ZNF562: variants seen among roughly 807,000 people sequenced by gnomAD.
ZNF562 encodes zinc finger protein 562.
A neutral mutation model predicts 17.5 loss-of-function variants in ZNF562; 13 were observed. The ratio of observed to expected loss-of-function variants is 0.74; its 90% CI spans 0.48 to 1.18. The LOEUF (loss-of-function observed/expected upper bound fraction) is 1.18. Ranked by LOEUF, ZNF562 falls within the 50% of genes most tolerant of loss-of-function variation. The pLI, the probability that ZNF562 is intolerant of heterozygous loss-of-function variation, is 0.00. For synonymous variants in ZNF562, 163 were observed against 165.4 expected (o/e 0.99, Z 0.11); for missense variants, 481 against 498.5 (o/e 0.96, Z 0.33).
chr19:9,673,188 C>T (rs1880922902), intron 1 of ZNF562, among the ~76,000 whole-genome samples: 2 of 152,100 alleles, frequency 1.3e-5, no homozygotes. Flanking sequence ...TCACAGATAG[C>T]CAATAGGGTC....
At chr19:9,670,649 G>A (rs2044157519) in intron 1 of ZNF562, among the ~76,000 whole-genome samples, 1 of 152,146 alleles carries the variant, frequency 6.6e-6, no homozygotes, top group Admixed American at 6.5e-5. Context: ...AGTACAGATT[G>A]ATGGTTACTA....
In ZNF562 at chr19:9,656,248, G is replaced by A. The variant is rs1282867283; in HGVS notation, c.348+299C>T. On this transcript the variant is annotated intron_variant, in intron 5 of 5. Coordinates refer to ENST00000453372, the MANE Select transcript of ZNF562 (RefSeq NM_001130031.2). ...CTCATGGCCTGACACAGTGGCTCAC[G>A]CCTGTAATCCCAGCACTTTGGGAGG... 5.3e-5 allele frequency among the ~76,000 whole-genome samples: 8 copies of A among 152,134 alleles called. No homozygotes were observed. Among genetic ancestry groups the A allele is most frequent in the African/African-American group, 7.2e-5 (3 of 41,436 alleles).
chr19:9,672,842 G>T (rs1397833659), intron 1 of ZNF562, among the ~76,000 whole-genome samples: 2 of 150,030 alleles, frequency 1.3e-5, no homozygotes, highest in African/African-American at 4.9e-5. Flanking sequence ...GGCAGTGGCG[G>T]GATCTCGGCT....
intron 1 of ZNF562, among the ~76,000 whole-genome samples, chr19:9,666,517 G>A (rs1353060483): frequency 6.6e-6 from 1 of 151,718 alleles, no homozygotes; most frequent in Non-Finnish European, 1.5e-5. Flanking sequence ...AAACAAACCA[G>A]ATTCAAAATT....
chr19:9,644,775 C>G lies in ZNF562; in HGVS notation c.*8174G>C, dbSNP rs557987446. The G allele has an allele frequency of 6.6e-5, 10 of 152,204 alleles. No individual in the cohort carries two copies. Among genetic ancestry groups the G allele is most frequent in the East Asian group, 1.9e-4 (1 of 5,184 alleles). The allele number at this position is 152,204 out of a possible 1,614,324, so 9.4% of individuals were successfully genotyped here. On this transcript the variant is annotated 3_prime_UTR_variant, in exon 6 of 6. Coordinates refer to ENST00000453372, the MANE Select transcript of ZNF562 (RefSeq NM_001130031.2). ...CTTGAACAGCATGGGGAAACCCCCC[C>G]CCATGATTCTATTACCTCCCACCTG...
intron 3 of ZNF562, 40 bp from the exon 4 acceptor site, chr19:9,658,175 C>T (rs1030909150): frequency 2.5e-6 from 4 of 1,593,414 alleles, no homozygotes; most frequent in Non-Finnish European, 3.4e-6. Context: ...CCAATGAACA[C>T]TTCCACCAAT....
chr19:9,673,118 T>A (rs1237948360), intron 1 of ZNF562, among the ~76,000 whole-genome samples: 2 of 152,142 alleles, frequency 1.3e-5, no homozygotes, highest in Non-Finnish European at 2.9e-5. Context: ...TCTTTGAAAC[T>A]GCACATCCCA....
intron 1 of ZNF562, among the ~76,000 whole-genome samples, chr19:9,669,734 G>GCGCACGCGCGCGCGCACACACA (rs1221319747): frequency 1.8e-5 from 2 of 109,302 alleles, no homozygotes; most frequent in Admixed American, 1.9e-4. Context: ...GCGCGCGCGC[G>GCGCACGCGCGCGCGCACACACA]CACACACACA....
At chr19:9,656,067 T>C (rs2043470595) in intron 5 of ZNF562, among the ~76,000 whole-genome samples, 1 of 152,116 alleles carries the variant, frequency 6.6e-6, no homozygotes, top group Non-Finnish European at 1.5e-5. Context: ...ATTGCTATAC[T>C]GCCTAGGCTG....
In ZNF562 at chr19:9,643,512, G is replaced by T. The variant is rs928722186; in HGVS notation, c.*9437C>A. ...ATATTCCTGCAGTAAATGCCACTGG[G>T]TTTACTATTTTCTTATCAAGCAGTT... On this transcript the variant is annotated 3_prime_UTR_variant, in exon 6 of 6. Coordinates refer to ENST00000453372, the MANE Select transcript of ZNF562 (RefSeq NM_001130031.2). The T allele has an allele frequency of 4.0e-5, 6 of 151,630 alleles. No individual in the cohort carries two copies. The highest frequency in any genetic ancestry group is 1.2e-4 in the African/African-American group (5 of 41,244). 9.4% of individuals were successfully genotyped at this position (151,630 alleles called of 1,614,324 possible).
At position 9,644,784 on chromosome 19, in the gene ZNF562, C is replaced by G. The variant is rs1465517848; in HGVS notation, c.*8165G>C. On this transcript the variant is annotated 3_prime_UTR_variant, in exon 6 of 6. Transcript: ENST00000453372. Reference sequence around the variant, plus strand: ...CATGGGGAAACCCCCCCCCATGATTCTATTACCTCCCACCTGGTCTCTCCC... The same window carrying G: ...CATGGGGAAACCCCCCCCCATGATTGTATTACCTCCCACCTGGTCTCTCCC... 1 of 152,272 alleles carries G rather than the reference C, an allele frequency of 6.6e-6. No individual in the cohort carries two copies. 9.4% of individuals were successfully genotyped at this position (152,272 alleles called of 1,614,324 possible). A position where few individuals can be genotyped will look rare whatever the true frequency, so the allele number is the denominator to read the frequency against.
chr19:9,653,788 T>G lies in ZNF562; in HGVS notation c.442A>C (p.Asn148His), dbSNP rs547501619. 189 of 1,614,076 alleles carry G rather than the reference T, an allele frequency of 1.2e-4. 1 individual carries two copies. The highest frequency in any genetic ancestry group is 1.2e-3 in the East Asian group (52 of 44,872). Residue 148 changes from asparagine (N) to histidine (H), a missense_variant, in exon 6 of 6, where the codon AAT (asparagine) becomes CAT (histidine). Physicochemically the swap from Asn to His is moderately conservative, Grantham distance 68 (BLOSUM62 1). Coordinates refer to ENST00000453372, the MANE Select transcript of ZNF562 (RefSeq NM_001130031.2). The stretch of plus-strand genomic sequence containing the variant: ...TTACCCTCAAAAGTGTTCCCTCCAT[T>G]CTGAGCTCTCATGTGTGTCTTAAGG... ...FCLKTHMRAQ[N>H]GGNTFEGNCY...
intron 4 of ZNF562, 88 bp downstream of exon 4, chr19:9,657,921 G>C (rs550249020): frequency 5.3e-4 from 779 of 1,475,368 alleles, no homozygotes; most frequent in Non-Finnish European, 6.3e-4. Flanking sequence ...AAACTCCCAG[G>C]CTCCAGCGAT....
intron 1 of ZNF562, among the ~76,000 whole-genome samples, chr19:9,664,765 C>T (rs1049580443): frequency 1.3e-5 from 2 of 152,186 alleles, no homozygotes; most frequent in East Asian, 3.9e-4. Context: ...GTGGCTCATG[C>T]CTGTAATCCC....
intron 1 of ZNF562, among the ~76,000 whole-genome samples, chr19:9,662,113 T>C (rs2043770966): frequency 6.6e-6 from 1 of 152,114 alleles, no homozygotes; most frequent in Non-Finnish European, 1.5e-5. Flanking sequence ...ATCCTAGTAA[T>C]TGGTCTGATA....
In ZNF562 at chr19:9,646,069, TTC is replaced by T. The variant is rs1310996689; in HGVS notation, c.*6878_*6879del. On this transcript the variant is annotated 3_prime_UTR_variant, in exon 6 of 6. Coordinates refer to ENST00000453372, the MANE Select transcript of ZNF562 (RefSeq NM_001130031.2). ...TTAATTGGTATTATTCAAGTATTTT[TTC>T]TTTTTTTTTTTTTTTTTGTGACAGA... 6.6e-6 allele frequency: 1 copy of T among 151,104 alleles called. No homozygotes were observed. Among genetic ancestry groups the T allele is most frequent in the Non-Finnish European group, 1.5e-5 (1 of 67,764 alleles). The allele number at this position is 151,104 out of a possible 1,614,324, so 9.4% of individuals were successfully genotyped here. A position where few individuals can be genotyped will look rare whatever the true frequency, so the allele number is the denominator to read the frequency against.
chr19:9,672,642 A>AATAT (rs1281055981), intron 1 of ZNF562, among the ~76,000 whole-genome samples: 3 of 152,120 alleles, frequency 2.0e-5, no homozygotes, highest in Admixed American at 1.3e-4. Context: ...TATAATAGTA[A>AATAT]ATAATTCTAG....
At chr19:9,669,883 G>A (rs1407491974) in intron 1 of ZNF562, among the ~76,000 whole-genome samples, 3 of 151,928 alleles carry the variant, frequency 2.0e-5, no homozygotes, top group African/African-American at 7.3e-5. Flanking sequence ...TCAACATGGT[G>A]AAACTCTGTC....
At chr19:9,670,853 C>G (rs1169612450) in intron 1 of ZNF562, among the ~76,000 whole-genome samples, 1 of 152,016 alleles carries the variant, frequency 6.6e-6, no homozygotes, top group Non-Finnish European at 1.5e-5. Flanking sequence ...CAAAAATTAG[C>G]CGGGTGTGGT....
Sources: allele counts gnomAD v4.1 joint callset (sites outside exome capture counted in the v4.1 genomes callset), GRCh38; gene constraint gnomAD v4.1.1; transcripts MANE v1.5; gene names NCBI Gene and HGNC (gene_info 2026-07-23, HGNC 2026-07-21).